HMBOX1: variants seen among roughly 807,000 people sequenced by gnomAD.
HMBOX1 encodes the protein homeobox-containing protein 1.
A neutral mutation model predicts 54.5 loss-of-function variants in HMBOX1; 14 were observed. The ratio of observed to expected loss-of-function variants is 0.26; its 90% CI spans 0.17 to 0.40. The LOEUF (loss-of-function observed/expected upper bound fraction) is 0.40. Ranked by LOEUF, HMBOX1 falls within the 10% of genes least tolerant of loss-of-function variation. The probability of loss-of-function intolerance (pLI) is 1.00; values close to 1 mark genes in which losing one functional copy is unlikely to be tolerated. For missense variants in HMBOX1, 332 were observed against 514.4 expected (o/e 0.65, Z 3.43); for synonymous variants, 160 against 181.0 (o/e 0.88, Z 0.93).
chr8:28,924,029 A>T (rs1037202927), intron 1 of HMBOX1, among the ~76,000 whole-genome samples: 1 of 151,518 alleles, frequency 6.6e-6, no homozygotes, highest in Non-Finnish European at 1.5e-5. Context: ...TCAGATATAC[A>T]TGATTTGCAA....
rs1826005676 is a variant in HMBOX1, at chr8:28,963,872, T to G, written c.5T>G (p.Leu2Arg). M[L>R]SSFPVVLLET... Reference sequence around the variant, plus strand: ...TTGATCCGCCTCATGTAAAGTATGCTTAGTTCCTTTCCAGTGGTGTAAGTA... The same window carrying G: ...TTGATCCGCCTCATGTAAAGTATGCGTAGTTCCTTTCCAGTGGTGTAAGTA... The change falls in exon 2 of 10, where the codon CTT becomes CGT. Residue 2 changes from leucine (L) to arginine (R), a missense_variant. Leu to Arg is a moderately radical substitution (Grantham distance 102, BLOSUM62 -2). Around this residue, in one of 4 missense-constraint regions of HMBOX1, gnomAD observed 146 missense variants for 173.3 expected, o/e 0.84. Transcript: ENST00000287701. 6.2e-7 allele frequency: 1 copy of G among 1,602,528 alleles called. No individual in the cohort carries two copies. The highest frequency in any genetic ancestry group is 1.3e-5 in the African/African-American group (1 of 74,730).
At chr8:28,945,210 T>G (rs1305413966) in intron 1 of HMBOX1, among the ~76,000 whole-genome samples, 2 of 152,242 alleles carry the variant, frequency 1.3e-5, no homozygotes, top group Non-Finnish European at 2.9e-5. Context: ...TTTAGGAGCT[T>G]CTTCTACTGT....
Position 29,007,674 on chromosome 8 carries a change from T to C in HMBOX1, c.587-1398T>C, listed in dbSNP as rs549286320. ...TCTACAGAAAAAATAAGAAATTAGCTGGATGTGGTGGGGCCTGGTACAGTG... is the reference window on the plus strand; with the variant it reads ...TCTACAGAAAAAATAAGAAATTAGCCGGATGTGGTGGGGCCTGGTACAGTG... On this transcript the variant is annotated intron_variant, in intron 4 of 9. Coordinates refer to ENST00000287701, the MANE Select transcript of HMBOX1 (RefSeq NM_001135726.3). Among the ~76,000 whole-genome samples, 4 of 152,034 alleles carry C rather than the reference T, an allele frequency of 2.6e-5. No individual in the cohort carries two copies. The South Asian group carries it at 8.3e-4, about 32-fold the overall frequency.
intron 1 of HMBOX1, among the ~76,000 whole-genome samples, chr8:28,944,231 A>G (rs1821993829): frequency 6.6e-6 from 1 of 152,208 alleles, no homozygotes; most frequent in East Asian, 1.9e-4. Context: ...CGAATACTGC[A>G]TTTGTGTTCA....
intron 1 of HMBOX1, among the ~76,000 whole-genome samples, chr8:28,950,323 A>G (rs1286495038): frequency 6.6e-6 from 1 of 152,202 alleles, no homozygotes; most frequent in Non-Finnish European, 1.5e-5. Context: ...AAAGACTTAC[A>G]TGTGATTCTG....
intron 1 of HMBOX1, among the ~76,000 whole-genome samples, chr8:28,953,477 T>C (rs1823873641): frequency 6.6e-6 from 1 of 152,230 alleles, no homozygotes; most frequent in African/African-American, 2.4e-5. Flanking sequence ...TAAACATGAC[T>C]TTAACTTCTC....
intron 3 of HMBOX1, among the ~76,000 whole-genome samples, chr8:28,977,468 AAT>A (rs1828588747): frequency 6.6e-6 from 1 of 152,206 alleles, no homozygotes; most frequent in Admixed American, 6.5e-5. Flanking sequence ...AGCCAATTGA[AAT>A]AGTGCTGAAG....
At chr8:29,009,754 T>TA (rs1392439251) in intron 5 of HMBOX1, 1 of 1,281,722 alleles carries the variant, frequency 7.8e-7, no homozygotes, top group Non-Finnish European at 1.0e-6. Flanking sequence ...TTAAGAAAAC[T>TA]AAGATGACAA....
intron 1 of HMBOX1, among the ~76,000 whole-genome samples, chr8:28,950,102 C>T (rs1410100434): frequency 3.3e-5 from 5 of 152,196 alleles, no homozygotes; most frequent in African/African-American, 1.2e-4. Context: ...AAGTATTCAG[C>T]TCGGAATGCC....
At chr8:28,949,324 A>T (rs1442617180) in intron 1 of HMBOX1, among the ~76,000 whole-genome samples, 1 of 152,202 alleles carries the variant, frequency 6.6e-6, no homozygotes, top group African/African-American at 2.4e-5. Context: ...GGGCACCTGC[A>T]GGCTTAACAG....
intron 1 of HMBOX1, among the ~76,000 whole-genome samples, chr8:28,907,240 G>T (rs554727461): frequency 3.3e-5 from 5 of 152,246 alleles, no homozygotes; most frequent in African/African-American, 1.2e-4. Flanking sequence ...TTTCTTGAAA[G>T]GACCAGAAAT....
intron 1 of HMBOX1, among the ~76,000 whole-genome samples, chr8:28,962,932 A>G (rs946353778): frequency 1.3e-5 from 2 of 151,636 alleles, no homozygotes; most frequent in Non-Finnish European, 2.9e-5. Context: ...ACCATATCTT[A>G]CTCATATTTA....
intron 1 of HMBOX1, among the ~76,000 whole-genome samples, chr8:28,915,380 AC>A (rs1363562334): frequency 1.3e-5 from 2 of 151,662 alleles, no homozygotes; most frequent in African/African-American, 4.8e-5. Context: ...ACATGGTGAA[AC>A]CCCGTCTCTA....
At chr8:28,909,548 C>T (rs143613911) in intron 1 of HMBOX1, among the ~76,000 whole-genome samples, 2 of 152,288 alleles carry the variant, frequency 1.3e-5, no homozygotes, top group African/African-American at 4.8e-5. Context: ...TTGAGAAGAA[C>T]TGTCCTAGAA....
intron 1 of HMBOX1, among the ~76,000 whole-genome samples, chr8:28,960,902 T>G (rs1201648489): frequency 6.8e-6 from 1 of 147,994 alleles, no homozygotes; most frequent in Admixed American, 6.8e-5. Context: ...TTCTCCTGCC[T>G]CAGACTCCTG....
chr8:29,049,068 G>A lies in HMBOX1; in HGVS notation c.1125+20G>A. ...GAGCAGGTGAGCCCCTGCGCAGCTG[G>A]GCGAGGTTCTTGGTGCCTGAGCAGG... On this transcript the variant is annotated intron_variant, in intron 9 of 9. Coordinates refer to ENST00000287701, the MANE Select transcript of HMBOX1 (RefSeq NM_001135726.3). 1 of 1,609,276 alleles carries A rather than the reference G, an allele frequency of 6.2e-7. No homozygotes were observed. Among genetic ancestry groups the A allele is most frequent in the Non-Finnish European group, 8.5e-7 (1 of 1,175,898 alleles).
In HMBOX1 at chr8:28,961,312, A is replaced by G. The variant is rs181530845; in HGVS notation, c.-57-2499A>G. On this transcript the variant is annotated intron_variant, in intron 1 of 9. Coordinates refer to ENST00000287701, the MANE Select transcript of HMBOX1 (RefSeq NM_001135726.3). ...ACAGCAGTCACCACCATCCATTTCC[A>G]GAACATTTTCATCCTCACAGATTGA... Among the ~76,000 whole-genome samples, 16 of 152,312 alleles carry G rather than the reference A, an allele frequency of 1.1e-4. No individual in the cohort carries two copies. In the East Asian group the frequency reaches 2.9e-3, roughly 28 times the overall value.
At chr8:28,945,408 C>T (rs941056612) in intron 1 of HMBOX1, among the ~76,000 whole-genome samples, 2 of 152,182 alleles carry the variant, frequency 1.3e-5, no homozygotes, top group African/African-American at 2.4e-5. Context: ...TTACTTTATC[C>T]AACTCCAAGT....
intron 6 of HMBOX1, among the ~76,000 whole-genome samples, chr8:29,019,167 G>C (rs1291719946): frequency 6.6e-6 from 1 of 152,088 alleles, no homozygotes; most frequent in Non-Finnish European, 1.5e-5. Context: ...AGAAATGTTG[G>C]AATAAATATT....
Sources: gnomAD v4.1 joint callset for allele counts (sites outside exome capture counted in the v4.1 genomes callset) on GRCh38, gnomAD v4.1.1 for gene constraint, gnomAD v4.1.1 regional missense constraint, MANE v1.5 for transcripts, NCBI Gene and HGNC (gene_info 2026-07-23, HGNC 2026-07-21) for gene names.